The following HTR4 variants were observed in gnomAD, a reference collection of about 807,000 sequenced individuals.
HTR4 encodes the protein 5-hydroxytryptamine receptor 4, also known as 5-hydroxytryptamine (serotonin) receptor 4, G protein-coupled.
HTR4 carries 16 observed loss-of-function variants against 36.8 expected under a neutral mutation model. The observed-to-expected ratio is 0.43, with a 90% confidence interval of 0.29 to 0.66. The LOEUF (loss-of-function observed/expected upper bound fraction) is 0.66, where lower values mean the gene tolerates loss of function less well. HTR4 is among the 30% of genes least tolerant of loss of function. The pLI, the probability that HTR4 is intolerant of heterozygous loss-of-function variation, is 0.13. For synonymous variants in HTR4, 189 were observed against 185.1 expected, an observed-to-expected ratio of 1.02 and a Z score of -0.17; for missense variants, 438 against 490.9, an observed-to-expected ratio of 0.89 and a Z score of 1.02.
intron 1 of HTR4, among the ~76,000 whole-genome samples, chr5:148,652,145 T>G (rs1462398482): frequency 1.3e-5 from 2 of 152,230 alleles, no homozygotes; most frequent in Middle Eastern, 3.2e-3. Context: ...GATCATAGTC[T>G]ATATCTATTC....
At chr5:148,461,076 G>A (rs941783093) in intron 5 of HTR4, among the ~76,000 whole-genome samples, 1 of 151,876 alleles carries the variant, frequency 6.6e-6, no homozygotes, top group Non-Finnish European at 1.5e-5. Context: ...TATTAAATAT[G>A]TTTTCCCAAC....
chr5:148,474,797 G>T (rs1165491010), downstream of HTR4, among the ~76,000 whole-genome samples: 1 of 152,122 alleles, frequency 6.6e-6, no homozygotes, highest in East Asian at 1.9e-4. Flanking sequence ...ATGACCTTCG[G>T]TTAGAAACGT....
intron 6 of HTR4, among the ~76,000 whole-genome samples, chr5:148,506,580 A>G (rs1011609599): frequency 3.3e-5 from 5 of 152,300 alleles, no homozygotes; most frequent in African/African-American, 9.6e-5. Flanking sequence ...ATCAGAGTGA[A>G]CAGGCAACCT....
chr5:148,482,986 T>G lies in HTR4; in HGVS notation c.*217A>C. ...TCTGGGAAGAGGGAGTGTTGGGAAA[T>G]AAAAAGTGAACAAGGAGGCCATTAT... On this transcript the variant is annotated 3_prime_UTR_variant, in exon 7 of 7. Transcript: ENST00000377888. 7.1e-7 allele frequency: 1 copy of G among 1,411,496 alleles called. No individual in the cohort carries two copies. The allele number at this position is 1,411,496 out of a possible 1,614,324, so 87.4% of individuals were successfully genotyped here.
downstream of HTR4, among the ~76,000 whole-genome samples, chr5:148,473,488 A>G (rs1002830791): frequency 1.1e-4 from 16 of 152,212 alleles, no homozygotes; most frequent in Non-Finnish European, 1.5e-4. Flanking sequence ...TAATAATAAC[A>G]GTAATATCTT....
intron 5 of HTR4, among the ~76,000 whole-genome samples, chr5:148,518,766 A>G (rs1757876925): frequency 6.6e-6 from 1 of 151,286 alleles, no homozygotes; most frequent in African/African-American, 2.4e-5. Flanking sequence ...GCATGCTCCC[A>G]CTCCAGGGCC....
At chr5:148,526,072 A>T (rs1758261177) in intron 4 of HTR4, among the ~76,000 whole-genome samples, 1 of 152,144 alleles carries the variant, frequency 6.6e-6, no homozygotes, top group African/African-American at 2.4e-5. Context: ...CTTCCCCTAC[A>T]AGTTCCAGAG....
At chr5:148,490,189 G>T (rs1450284491) in intron 6 of HTR4, among the ~76,000 whole-genome samples, 2 of 147,822 alleles carry the variant, frequency 1.4e-5, no homozygotes, top group Non-Finnish European at 3.0e-5. Context: ...ATGTATGTGT[G>T]TGTGTATATA....
At position 148,523,319 on chromosome 5, in the gene HTR4, C is replaced by A; in HGVS notation, c.381G>T (p.Leu127Phe). The stretch of plus-strand genomic sequence containing the variant: ...GAGGGGTCATCTTGTTCCTATAGAC[C>A]AAAGGCTGGCAGCAGATGGCGTAAT... ...DRYYAICCQP[L>F]VYRNKMTPLR... Residue 127 changes from leucine to phenylalanine, a missense_variant, in exon 5 of 7, where the codon TTG (leucine) becomes TTT (phenylalanine). Transcript: ENST00000377888. The A allele has an allele frequency of 6.2e-7, 1 of 1,610,982 alleles. No individual in the cohort carries two copies. The highest frequency in any genetic ancestry group is 1.1e-5 in the South Asian group (1 of 90,542).
At chr5:148,572,103 T>C (rs879593768) in intron 2 of HTR4, among the ~76,000 whole-genome samples, 9 of 152,114 alleles carry the variant, frequency 5.9e-5, no homozygotes, top group Non-Finnish European at 1.2e-4. Flanking sequence ...ATATGCAACG[T>C]AATGTAATAT....
At chr5:148,490,691 C>T (rs867655767) in intron 6 of HTR4, 4 of 1,202,360 alleles carry the variant, frequency 3.3e-6, no homozygotes, top group Admixed American at 3.5e-5. Flanking sequence ...GATGGTCATC[C>T]AATTGTCTCC....
intron 6 of HTR4, among the ~76,000 whole-genome samples, chr5:148,502,437 C>CCTGA (rs1290928518): frequency 1.3e-5 from 2 of 152,200 alleles, no homozygotes; most frequent in African/African-American, 4.8e-5. Context: ...ATCTGAAGGT[C>CCTGA]CTGACTGTTA....
intron 2 of HTR4, among the ~76,000 whole-genome samples, chr5:148,568,367 A>C (rs577745972): frequency 8.2e-4 from 125 of 152,280 alleles, no homozygotes; most frequent in African/African-American, 2.8e-3. Flanking sequence ...TAAAGTATAC[A>C]TAGGGTCTGA....
rs1330338320 is a variant in HTR4 at position 148,506,857 on chromosome 5, TA to T, written c.1076+2598del. On this transcript the variant is annotated intron_variant, in intron 6 of 6. Transcript: ENST00000377888. ...TCACACCAGTTAGAATGGCAATCAT[TA>T]AAAAGTCAGGAAACAACAGGTGCTG... Among the ~76,000 whole-genome samples the T allele has an allele frequency of 2.0e-5, 3 of 152,188 alleles. No homozygotes were observed. In the East Asian group the frequency reaches 5.8e-4, roughly 29 times the overall value.
intron 2 of HTR4, among the ~76,000 whole-genome samples, chr5:148,575,865 T>C (rs1199574564): frequency 6.6e-6 from 1 of 151,802 alleles, no homozygotes; most frequent in Non-Finnish European, 1.5e-5. Context: ...TGCAACATAA[T>C]ATTGGAAGTC....
chr5:148,539,012 C>T (rs1758972882), intron 4 of HTR4, among the ~76,000 whole-genome samples: 2 of 152,174 alleles, frequency 1.3e-5, no homozygotes, highest in African/African-American at 4.8e-5. Flanking sequence ...CAGCATGGTA[C>T]TGGTATGAAA....
At chr5:148,621,952 A>G (rs1195670889) in intron 2 of HTR4, among the ~76,000 whole-genome samples, 1 of 152,158 alleles carries the variant, frequency 6.6e-6, no homozygotes, top group Non-Finnish European at 1.5e-5. Context: ...CTTGCTGCTT[A>G]TTTGGATCCC....
At chr5:148,505,415 C>T (rs1342965831) in intron 6 of HTR4, among the ~76,000 whole-genome samples, 2 of 152,132 alleles carry the variant, frequency 1.3e-5, no homozygotes, top group Non-Finnish European at 2.9e-5. Flanking sequence ...CAGCCAATAT[C>T]ACACTGAATG....
intron 1 of HTR4, among the ~76,000 whole-genome samples, chr5:148,637,998 T>A (rs1035154676): frequency 6.6e-6 from 1 of 152,054 alleles, no homozygotes; most frequent in Non-Finnish European, 1.5e-5. Context: ...ATAGTTCTGT[T>A]TGCTAGTTTT....
Sources: gnomAD v4.1 joint callset for allele counts (sites outside exome capture counted in the v4.1 genomes callset) on GRCh38, gnomAD v4.1.1 for gene constraint, MANE v1.5 for transcripts, NCBI Gene and HGNC (gene_info 2026-07-23, HGNC 2026-07-21) for gene names.